LY96: variants seen among roughly 807,000 people sequenced by gnomAD.
The protein encoded by LY96 is lymphocyte antigen 96, also known as myeloid differentiation protein-2.
In LY96, 18 loss-of-function variants were observed where a neutral mutation model predicts 18.9. That is an observed-to-expected ratio of 0.95 (90% CI 0.66 to 1.41). The LOEUF is 1.41. Among genes scored for constraint, LY96 ranks in the 40% most tolerant of loss-of-function variants. The pLI is 0.00. For synonymous variants in LY96, 66 were observed against 62.6 expected, an observed-to-expected ratio of 1.06 and a Z score of -0.26; for missense variants, 175 against 182.4, an observed-to-expected ratio of 0.96 and a Z score of 0.23.
chr8:74,052,145 TG>T, the LY96 span, among the ~76,000 whole-genome samples: 47 of 152,076 alleles, frequency 3.1e-4, no homozygotes, highest in African/African-American at 1.1e-3. Flanking sequence ...AGGAGGTTTT[TG>T]TGGATGGAAG....
intron 3 of LY96, among the ~76,000 whole-genome samples, chr8:74,021,564 C>G (rs1816760650): frequency 6.6e-6 from 1 of 152,152 alleles, no homozygotes; most frequent in Non-Finnish European, 1.5e-5. Flanking sequence ...AGCCATCCCA[C>G]TACTGGGTAT....
At chr8:74,078,472 A>G in the LY96 span, among the ~76,000 whole-genome samples, 1 of 152,234 alleles carries the variant, frequency 6.6e-6, no homozygotes, top group Non-Finnish European at 1.5e-5. Flanking sequence ...GTTATTATTT[A>G]GATTTTCTAG....
At chr8:74,081,055 TCTTTCTTTCTTA>T in the LY96 span, among the ~76,000 whole-genome samples, 5 of 129,430 alleles carry the variant, frequency 3.9e-5, no homozygotes, top group African/African-American at 1.5e-4. Context: ...TCTTTTTCTT[TCTTTCTTTCTTA>T]CTTTCTTTCT....
At chr8:74,001,835 A>G (rs1816276382) in intron 1 of LY96, among the ~76,000 whole-genome samples, 1 of 152,030 alleles carries the variant, frequency 6.6e-6, no homozygotes, top group South Asian at 2.1e-4. Context: ...AGACCCCCGT[A>G]TTTAAAAACA....
chr8:73,994,613 A>C (rs960045658), intron 1 of LY96, among the ~76,000 whole-genome samples: 3 of 152,066 alleles, frequency 2.0e-5, no homozygotes, highest in Admixed American at 6.6e-5. Context: ...CAGCCTCCCA[A>C]GTAGCTGGGA....
chr8:74,078,459 C>T, the LY96 span, among the ~76,000 whole-genome samples: 1 of 152,192 alleles, frequency 6.6e-6, no homozygotes. Flanking sequence ...ATCACCACCC[C>T]ATGTTATTAT....
chr8:74,072,719 G>C, the LY96 span, among the ~76,000 whole-genome samples: 2 of 128,228 alleles, frequency 1.6e-5, no homozygotes, highest in South Asian at 4.4e-4. Context: ...TAAGCAGTTT[G>C]TTTTATGGCC....
rs1816300463 is a variant in LY96, at chr8:74,002,070, CCTTCCTTTCTT to C, written c.113-2725_113-2715del. On this transcript the variant is annotated intron_variant, in intron 1 of 4. Coordinates refer to ENST00000284818, the MANE Select transcript of LY96 (RefSeq NM_015364.5). Reference sequence around the variant, plus strand: ...TCCTTCCTTCCTTCCTTCCTTCCTTCCTTCCTTTCTTTCTTTCTTTCTTTCTCTCTCTCTCT... The same window carrying C: ...TCCTTCCTTCCTTCCTTCCTTCCTTCTCTTTCTTTCTTTCTCTCTCTCTCT... Among the ~76,000 whole-genome samples, 2 of 18,464 alleles carry C rather than the reference CCTTCCTTTCTT, an allele frequency of 1.1e-4. 1 individual carries two copies. Among genetic ancestry groups the C allele is most frequent in the African/African-American group, 4.4e-4 (2 of 4,496 alleles). The allele number at this position is 18,464 out of a possible 152,430, so 12.1% of individuals were successfully genotyped here.
At chr8:74,016,928 A>C (rs896578758) in intron 3 of LY96, among the ~76,000 whole-genome samples, 8 of 152,230 alleles carry the variant, frequency 5.3e-5, no homozygotes, top group Non-Finnish European at 1.5e-5. Context: ...AAAGGTAGGT[A>C]AAACCACAAA....
At chr8:74,030,875 G>T (rs111949004), downstream of LY96, among the ~76,000 whole-genome samples, 1 of 152,204 alleles carries the variant, frequency 6.6e-6, no homozygotes, top group Non-Finnish European at 1.5e-5. Flanking sequence ...GATTAGCATG[G>T]CTGCCAGCCT....
chr8:74,090,953 A>G, the LY96 span, among the ~76,000 whole-genome samples: 2 of 152,258 alleles, frequency 1.3e-5, no homozygotes, highest in African/African-American at 2.4e-5. Flanking sequence ...GCCTGATGAC[A>G]TTTTACTTTA....
At chr8:74,071,353 GTTC>G in the LY96 span, among the ~76,000 whole-genome samples, 4 of 151,360 alleles carry the variant, frequency 2.6e-5, no homozygotes, top group African/African-American at 7.3e-5. Flanking sequence ...GTTCCAAATA[GTTC>G]TTCTTCTTTC....
chr8:74,090,439 T>G, the LY96 span, among the ~76,000 whole-genome samples: 1 of 152,220 alleles, frequency 6.6e-6, no homozygotes, highest in Non-Finnish European at 1.5e-5. Context: ...GTTCTTATAA[T>G]AGAGCTATAA....
the LY96 span, among the ~76,000 whole-genome samples, chr8:74,081,097 C>CTTTT: frequency 8.0e-6 from 1 of 125,546 alleles, no homozygotes; most frequent in Non-Finnish European, 1.6e-5. Flanking sequence ...CTCTTTCTTT[C>CTTTT]TTTCTTTCTT....
intron 1 of LY96, among the ~76,000 whole-genome samples, chr8:73,992,504 A>G (rs1016632282): frequency 6.6e-6 from 1 of 152,136 alleles, no homozygotes; most frequent in Admixed American, 6.5e-5. Flanking sequence ...CCACATTTTC[A>G]ATTTCATTTG....
the LY96 span, chr8:74,099,288 C>T: frequency 6.6e-6 from 1 of 152,224 alleles, no homozygotes; most frequent in Non-Finnish European, 1.5e-5. Flanking sequence ...TTGGACACAT[C>T]TTGTTATATC....
At chr8:74,052,448 T>G in the LY96 span, 1 of 152,162 alleles carries the variant, frequency 6.6e-6, no homozygotes, top group Non-Finnish European at 1.5e-5. Flanking sequence ...TAGACCTACT[T>G]TTCTTTTATT....
chr8:74,095,981 C>T, the LY96 span, among the ~76,000 whole-genome samples: 1 of 152,212 alleles, frequency 6.6e-6, no homozygotes, highest in Non-Finnish European at 1.5e-5. Flanking sequence ...TCCTTGCCTT[C>T]TTTCACATCT....
chr8:74,071,329 A>G, the LY96 span, among the ~76,000 whole-genome samples: 3 of 151,636 alleles, frequency 2.0e-5, no homozygotes, highest in African/African-American at 7.3e-5. Flanking sequence ...TTTTTTTTGT[A>G]GAATCAGAAA....
Sources: gnomAD v4.1 joint callset for allele counts (sites outside exome capture counted in the v4.1 genomes callset) on GRCh38, gnomAD v4.1.1 for gene constraint, MANE v1.5 for transcripts, NCBI Gene and HGNC (gene_info 2026-07-23, HGNC 2026-07-21) for gene names.